ARK2C: variants seen among roughly 807,000 people sequenced by gnomAD.
ARK2C encodes the protein E3 ubiquitin-protein ligase ARK2C.
the ARK2C span, among the ~76,000 whole-genome samples, chr18:46,422,876 T>G: frequency 6.6e-6 from 1 of 152,184 alleles, no homozygotes; most frequent in African/African-American, 2.4e-5. Context: ...AATGTCTTCC[T>G]TATGTTGACT....
chr18:46,412,943 A>G, the ARK2C span, among the ~76,000 whole-genome samples: 8 of 151,972 alleles, frequency 5.3e-5, no homozygotes, highest in Non-Finnish European at 1.2e-4. Context: ...AATCCCCCAG[A>G]ATTCCTGAGG....
the ARK2C span, among the ~76,000 whole-genome samples, chr18:46,367,032 C>T: frequency 6.6e-6 from 1 of 152,294 alleles, no homozygotes; most frequent in South Asian, 2.1e-4. Flanking sequence ...AAGAAAAAAT[C>T]ACCAAGCAAA....
chr18:46,369,390 AG>A, the ARK2C span, among the ~76,000 whole-genome samples: 8 of 149,788 alleles, frequency 5.3e-5, no homozygotes, highest in Admixed American at 2.0e-4. Flanking sequence ...CTGGGGTGGC[AG>A]GGGGGTGGGA....
chr18:46,359,075 G>T, the ARK2C span, among the ~76,000 whole-genome samples: 4 of 152,182 alleles, frequency 2.6e-5, no homozygotes, highest in African/African-American at 9.7e-5. Flanking sequence ...TGTCCTCCCC[G>T]TAAAAGGAGA....
the ARK2C span, among the ~76,000 whole-genome samples, chr18:46,372,823 A>G: frequency 3.3e-5 from 5 of 152,212 alleles, no homozygotes; most frequent in African/African-American, 1.2e-4. Context: ...TTCTAACCAC[A>G]CTGCGGTGCT....
At chr18:46,447,067 G>T in the ARK2C span, among the ~76,000 whole-genome samples, 1 of 152,168 alleles carries the variant, frequency 6.6e-6, no homozygotes, top group Non-Finnish European at 1.5e-5. Context: ...TAAGCAAAAT[G>T]AATTTTTCTA....
the ARK2C span, among the ~76,000 whole-genome samples, chr18:46,407,484 C>G: frequency 6.6e-6 from 1 of 152,188 alleles, no homozygotes; most frequent in Non-Finnish European, 1.5e-5. Flanking sequence ...TCCTATCACC[C>G]GACAGGACAG....
the ARK2C span, among the ~76,000 whole-genome samples, chr18:46,429,544 C>T: frequency 6.6e-6 from 1 of 152,130 alleles, no homozygotes; most frequent in Non-Finnish European, 1.5e-5. Flanking sequence ...TCTAATATAG[C>T]TTATTATTTG....
chr18:46,348,644 G>A, the ARK2C span, among the ~76,000 whole-genome samples: 1 of 152,150 alleles, frequency 6.6e-6, no homozygotes, highest in Non-Finnish European at 1.5e-5. Context: ...CCTTGAAGTA[G>A]GGGCTTAGGG....
At chr18:46,342,821 A>G in the ARK2C span, among the ~76,000 whole-genome samples, 2 of 152,218 alleles carry the variant, frequency 1.3e-5, no homozygotes, top group Non-Finnish European at 1.5e-5. Flanking sequence ...AGGAAAAAAA[A>G]CCTCATAGGA....
the ARK2C span, chr18:46,435,493 T>C: frequency 1.0e-6 from 1 of 972,394 alleles, no homozygotes. Context: ...TCACTTTGAA[T>C]GGCGCAGGAG....
At chr18:46,339,054 A>G in the ARK2C span, among the ~76,000 whole-genome samples, 1 of 152,194 alleles carries the variant, frequency 6.6e-6, no homozygotes, top group African/African-American at 2.4e-5. Flanking sequence ...TTACTGTGAC[A>G]CATGGACACA....
chr18:46,349,710 G>A, the ARK2C span, among the ~76,000 whole-genome samples: 1 of 152,104 alleles, frequency 6.6e-6, no homozygotes, highest in African/African-American at 2.4e-5. Flanking sequence ...CCCACCTTCT[G>A]TCTTACATTT....
At chr18:46,375,050 C>T in the ARK2C span, among the ~76,000 whole-genome samples, 2 of 152,302 alleles carry the variant, frequency 1.3e-5, no homozygotes, top group South Asian at 4.1e-4. Context: ...CACAAGCATG[C>T]TTTGCCGGAG....
At chr18:46,438,093 A>C in the ARK2C span, among the ~76,000 whole-genome samples, 2 of 152,242 alleles carry the variant, frequency 1.3e-5, no homozygotes, top group East Asian at 3.8e-4. Flanking sequence ...TGGAAAATAA[A>C]GTTCAGCGTG....
At chr18:46,430,997 A>G in the ARK2C span, among the ~76,000 whole-genome samples, 3,537 of 152,186 alleles carry the variant, frequency 0.023, 133 homozygotes, top group African/African-American at 0.081. Flanking sequence ...GCACCCATCA[A>G]TCCATCATCT....
the ARK2C span, among the ~76,000 whole-genome samples, chr18:46,384,099 G>A: frequency 6.6e-6 from 1 of 152,254 alleles, no homozygotes; most frequent in Non-Finnish European, 1.5e-5. Context: ...TAGCCAGAGA[G>A]CTCAACACAG....
At chr18:46,392,421 C>A in the ARK2C span, among the ~76,000 whole-genome samples, 1 of 152,232 alleles carries the variant, frequency 6.6e-6, no homozygotes, top group Non-Finnish European at 1.5e-5. Flanking sequence ...GCCCTCAGGG[C>A]CCTCTTTTGG....
chr18:46,460,245 C>T, the ARK2C span: 1 of 152,612 alleles, frequency 6.6e-6, no homozygotes, highest in Admixed American at 6.5e-5. Context: ...CCTAAGCCCC[C>T]CGCCTGTAGG....
Sources: gnomAD v4.1 joint callset for allele counts (sites outside exome capture counted in the v4.1 genomes callset) on GRCh38, gnomAD v4.1.1 for gene constraint, MANE v1.5 for transcripts, NCBI Gene and HGNC (gene_info 2026-07-23, HGNC 2026-07-21) for gene names.